LPIN1: variants seen among roughly 807,000 people sequenced by gnomAD.
The protein encoded by LPIN1 is lipin 1.
Under a neutral mutation model 107.5 loss-of-function variants are expected in LPIN1, and 71 were observed. The observed-to-expected ratio is 0.66, with a 90% CI of 0.55 to 0.80. The LOEUF is 0.80. Ranked by LOEUF, LPIN1 falls within the 30% of genes least tolerant of loss-of-function variation. The pLI is 0.00. For missense variants in LPIN1, 1,043 were observed against 1,160.6 expected (o/e 0.90, Z 1.47); for synonymous variants, 445 against 452.6 (o/e 0.98, Z 0.21).
intron 14 of LPIN1, among the ~76,000 whole-genome samples, chr2:11,800,721 C>T (rs934136188): frequency 1.3e-5 from 2 of 151,972 alleles, no homozygotes; most frequent in African/African-American, 2.4e-5. Context: ...GGCAGTAAGG[C>T]GAGAGGAAGT....
In LPIN1 at chr2:11,752,433, A is replaced by ATTTTTTTTTTTTTT. The variant is rs34156190; in HGVS notation, c.-10+5765_-10+5778dup. ...TTTTCTTTTGAGCTGTTCCAAGGCCATTTTTTTTTTTTTTTTGAGACGGAG... is the reference window on the plus strand; with the variant it reads ...TTTTCTTTTGAGCTGTTCCAAGGCCATTTTTTTTTTTTTTTTTTTTTTTTTTTTTTGAGACGGAG... On this transcript the variant is annotated intron_variant, in intron 1 of 20. Coordinates refer to ENST00000674199, the MANE Select transcript of LPIN1 (RefSeq NM_001349206.2). 6.9e-3 allele frequency among the ~76,000 whole-genome samples: 719 copies of ATTTTTTTTTTTTTT among 103,728 alleles called. 52 individuals are homozygous for ATTTTTTTTTTTTTT. Among genetic ancestry groups the ATTTTTTTTTTTTTT allele is most frequent in the African/African-American group, 9.8e-3 (173 of 17,678 alleles). 68.0% of individuals were successfully genotyped at this position (103,728 alleles called of 152,430 possible).
At chr2:11,770,998 A>G (rs1201477561) in intron 3 of LPIN1, among the ~76,000 whole-genome samples, 1 of 152,180 alleles carries the variant, frequency 6.6e-6, no homozygotes, top group Admixed American at 6.5e-5. Context: ...CAGAAGTGCA[A>G]GAGTGCATCC....
rs1448771061 is a variant in LPIN1 at position 11,697,775 on chromosome 2, G to A, written c.82-15981G>A. Among the ~76,000 whole-genome samples the A allele has an allele frequency of 3.9e-5, 6 of 152,102 alleles. No individual in the cohort carries two copies. On this transcript the variant is annotated intron_variant, in intron 1 of 21. Coordinates refer to the LPIN1 transcript ENST00000449576. This position sits in a 1 kb window ranked among gnomAD's most constrained non-coding sequence, Gnocchi z 4.6. Reference sequence around the variant, plus strand: ...AGAGTCTGGGTACCAAATGCCCCGGGCCTTGTGTCCTTCCCCATTTACAAC... The same window carrying A: ...AGAGTCTGGGTACCAAATGCCCCGGACCTTGTGTCCTTCCCCATTTACAAC...
chr2:11,717,014 T>C (rs1251356472), intron 2 of LPIN1, among the ~76,000 whole-genome samples: 4 of 152,234 alleles, frequency 2.6e-5, no homozygotes, highest in African/African-American at 9.6e-5. Flanking sequence ...TTTTATTTCT[T>C]GTCTTTAGGT....
intron 1 of LPIN1, among the ~76,000 whole-genome samples, chr2:11,728,112 C>T (rs1664841922): frequency 6.6e-6 from 1 of 152,202 alleles, no homozygotes; most frequent in African/African-American, 2.4e-5. Flanking sequence ...TGTCAGTCTG[C>T]ATGCCATCTT....
intron 14 of LPIN1, among the ~76,000 whole-genome samples, chr2:11,798,182 A>G (rs769893785): frequency 1.5e-4 from 23 of 152,164 alleles, no homozygotes; most frequent in Non-Finnish European, 2.6e-4. Flanking sequence ...TGGAACTGTG[A>G]GTCAATTAAT....
chr2:11,762,317 C>T (rs938790395), intron 1 of LPIN1, among the ~76,000 whole-genome samples: 2 of 152,094 alleles, frequency 1.3e-5, no homozygotes, highest in African/African-American at 4.8e-5. Context: ...TGGAAGTTCT[C>T]TGAGCCCCTT....
chr2:11,762,585 C>G (rs894057949), intron 1 of LPIN1, among the ~76,000 whole-genome samples: 2 of 152,126 alleles, frequency 1.3e-5, no homozygotes, highest in Admixed American at 1.3e-4. Flanking sequence ...TGACAGAAGA[C>G]ACTCCTTTCA....
At chr2:11,773,467 T>G (rs530386315) in intron 4 of LPIN1, among the ~76,000 whole-genome samples, 153 bp from the exon 5 acceptor site, 3 of 152,316 alleles carry the variant, frequency 2.0e-5, no homozygotes, top group East Asian at 3.9e-4. Flanking sequence ...GGTATCTCAC[T>G]TTTTCCCCCT....
Position 11,698,449 on chromosome 2 carries a change from C to A in LPIN1, c.82-15307C>A, listed in dbSNP as rs549690830. Reference sequence around the variant, plus strand: ...GAACAGCACACAGTAGCAGGGACAACACCACGTGGCTCCAACAGTTTCAGA... The same window carrying A: ...GAACAGCACACAGTAGCAGGGACAAAACCACGTGGCTCCAACAGTTTCAGA... On this transcript the variant is annotated intron_variant, in intron 1 of 21. Transcript: ENST00000449576. Among the ~76,000 whole-genome samples, 3 of 152,344 alleles carry A rather than the reference C, an allele frequency of 2.0e-5. No homozygotes were observed. In the South Asian group the frequency reaches 6.2e-4, roughly 32 times the overall value.
Position 11,826,361 on chromosome 2 carries a change from C to T in LPIN1, c.*1570C>T, listed in dbSNP as rs10700. 6.6e-6 allele frequency: 1 copy of T among 152,428 alleles called. No homozygotes were observed. 9.4% of individuals were successfully genotyped at this position (152,428 alleles called of 1,614,324 possible). ...ACACAAAGGCAAACAGATCTGCCAT[C>T]GATCGCAGATTTCTGTAGAAACACG... On this transcript the variant is annotated 3_prime_UTR_variant, in exon 21 of 21. Transcript: ENST00000674199.
upstream of LPIN1, chr2:11,745,846 C>G (rs78733123): frequency 0.031 from 4,803 of 152,584 alleles, 126 homozygotes; most frequent in Non-Finnish European, 0.047. Flanking sequence ...GCCATTTCTG[C>G]TCTCCAGAAA....
intron 1 of LPIN1, chr2:11,741,024 T>G (rs1395726776): frequency 5.1e-6 from 1 of 196,610 alleles, no homozygotes; most frequent in Non-Finnish European, 1.0e-5. Context: ...TGCATCCAGT[T>G]TACTTATTCA....
rs146048019 is a variant in LPIN1 at position 11,802,992 on chromosome 2, G to A, written c.1972G>A (p.Val658Ile). ...NAGHLPLLPN[V>I]SYKKTLRLTS... ...AGGCCACCTCCCTCTTCTGCCTAAT[G>A]TCAGCTACAAGAAGACTCTCCGGCT... Residue 658 changes from valine to isoleucine, a missense_variant, in exon 15 of 21, where the codon GTC becomes ATC. Val to Ile is a conservative substitution (Grantham distance 29). Transcript: ENST00000674199. 854 of 1,613,002 alleles carry A rather than the reference G, an allele frequency of 5.3e-4. No homozygotes were observed. The highest frequency in any genetic ancestry group is 6.9e-4 in the Non-Finnish European group (818 of 1,180,024).
intron 1 of LPIN1, among the ~76,000 whole-genome samples, chr2:11,678,196 G>A (rs922355141): frequency 6.6e-6 from 1 of 152,210 alleles, no homozygotes; most frequent in East Asian, 1.9e-4. Context: ...GTGCTGTGGG[G>A]CTTCTGTGGA....
intron 1 of LPIN1, among the ~76,000 whole-genome samples, chr2:11,747,849 G>A (rs775087634): frequency 3.9e-5 from 6 of 152,204 alleles, no homozygotes; most frequent in Non-Finnish European, 8.8e-5. Context: ...TTGTGCATGG[G>A]TTGTGTGTTT....
Position 11,819,481 on chromosome 2 carries a change from CAG to C in LPIN1, c.2404_2405del. Reference sequence around the variant, plus strand: ...GTTAATCTGTTATTTATTTGTTTAACAGAGAAGTGATTGAAAAGAAGCCAGAA... The same window carrying C: ...GTTAATCTGTTATTTATTTGTTTAACAGAAGTGATTGAAAAGAAGCCAGAA... On this transcript the variant is annotated splice_acceptor_variant, in intron 18 of 20. Transcript: ENST00000674199. LOFTEE classifies it high-confidence loss of function. 8 of 1,567,476 alleles carry C rather than the reference CAG, an allele frequency of 5.1e-6. No individual in the cohort carries two copies. Among genetic ancestry groups the C allele is most frequent in the South Asian group, 1.1e-5 (1 of 90,150 alleles).
At chr2:11,721,381 T>G (rs1558750466), upstream of LPIN1, among the ~76,000 whole-genome samples, 1 of 151,480 alleles carries the variant, frequency 6.6e-6, no homozygotes, top group Non-Finnish European at 1.5e-5. Context: ...AGGCCATGGC[T>G]AAAATGTGTC....
rs376859933 is a variant in LPIN1, at chr2:11,805,133, T to A, written c.2226T>A (p.Ala742=). ...LGKDWTHQGI[A]KLYHKVSQNG... ...AGGATTGGACCCATCAGGGCATCGC[T>A]AAGCTGTACCATAAAGTGAGCCAGT... Residue 742 remains alanine (A), a synonymous_variant, in exon 17 of 21, where the codon GCT becomes GCA. Transcript: ENST00000674199. The A allele has an allele frequency of 1.2e-6, 2 of 1,613,982 alleles. No individual in the cohort carries two copies. Among genetic ancestry groups the A allele is most frequent in the African/African-American group, 2.7e-5 (2 of 74,920 alleles).
Sources: allele counts gnomAD v4.1 joint callset (sites outside exome capture counted in the v4.1 genomes callset), GRCh38; gene constraint gnomAD v4.1.1; non-coding constraint Gnocchi (gnomAD v3.1); transcripts MANE v1.5; gene names NCBI Gene and HGNC (gene_info 2026-07-23, HGNC 2026-07-21).